TNKS: variants seen among roughly 807,000 people sequenced by gnomAD.
TNKS encodes poly [ADP-ribose] polymerase tankyrase-1.
Under a neutral mutation model 135.8 loss-of-function variants are expected in TNKS, and 72 were observed. The observed-to-expected ratio is 0.53, with a 90% CI of 0.44 to 0.64. TNKS has a LOEUF of 0.64. TNKS is among the 30% of genes least tolerant of loss of function. The probability of loss-of-function intolerance (pLI) is 0.00; values close to 1 mark genes in which losing one functional copy is unlikely to be tolerated. For missense variants in TNKS, 1,769 were observed against 1,674.0 expected, an observed-to-expected ratio of 1.06 and a Z score of -0.99; for synonymous variants, 849 against 649.3, an observed-to-expected ratio of 1.31 and a Z score of -4.68.
intron 11 of TNKS, among the ~76,000 whole-genome samples, chr8:9,713,670 A>G (rs371458579): frequency 1.3e-5 from 2 of 152,212 alleles, no homozygotes; most frequent in African/African-American, 4.8e-5. Context: ...ATATTTAATC[A>G]GAGTTATGAA....
At chr8:9,649,845 A>G (rs1257182981) in intron 3 of TNKS, among the ~76,000 whole-genome samples, 1 of 142,014 alleles carries the variant, frequency 7.0e-6, no homozygotes, top group Non-Finnish European at 1.5e-5. Context: ...CATGGTGTAT[A>G]TATATACCAC....
intron 5 of TNKS, among the ~76,000 whole-genome samples, chr8:9,686,712 C>G (rs914382835): frequency 1.3e-5 from 2 of 152,054 alleles, no homozygotes; most frequent in African/African-American, 4.8e-5. Context: ...CCTTGAAATG[C>G]AAAAACATAA....
chr8:9,571,664 A>G (rs1413315316), intron 1 of TNKS, among the ~76,000 whole-genome samples: 1 of 152,024 alleles, frequency 6.6e-6, no homozygotes, highest in Admixed American at 6.6e-5. Context: ...TCACCGTGTT[A>G]GCTGGGATGT....
chr8:9,779,062 AT>A lies in TNKS; in HGVS notation c.*2329del, dbSNP rs565003359. On this transcript the variant is annotated 3_prime_UTR_variant, in exon 27 of 27. Transcript: ENST00000310430. Reference sequence around the variant, plus strand: ...GGTGAAGGTACTGTGTAAGGAAGACATTTGCGGTGCTTCTTGTCCTATAATG... The same window carrying A: ...GGTGAAGGTACTGTGTAAGGAAGACATTGCGGTGCTTCTTGTCCTATAATG... 2 of 152,468 alleles carry A rather than the reference AT, an allele frequency of 1.3e-5. No individual in the cohort carries two copies. Among genetic ancestry groups the A allele is most frequent in the Non-Finnish European group, 2.9e-5 (2 of 68,054 alleles). The allele number at this position is 152,468 out of a possible 1,614,324, so 9.4% of individuals were successfully genotyped here. A position where few individuals can be genotyped will look rare whatever the true frequency, so the allele number is the denominator to read the frequency against.
intron 1 of TNKS, among the ~76,000 whole-genome samples, chr8:9,569,284 C>T (rs962177968): frequency 6.6e-6 from 1 of 152,224 alleles, no homozygotes; most frequent in Admixed American, 6.5e-5. Context: ...ATAGCACACA[C>T]ACATCATAAG....
chr8:9,572,979 A>G (rs919603592), intron 1 of TNKS, among the ~76,000 whole-genome samples: 7 of 152,002 alleles, frequency 4.6e-5, no homozygotes, highest in African/African-American at 7.2e-5. Context: ...TTTATTTTGG[A>G]TGAAAGTGGA....
At chr8:9,640,346 T>A (rs111765700) in intron 3 of TNKS, among the ~76,000 whole-genome samples, 1 of 141,710 alleles carries the variant, frequency 7.1e-6, no homozygotes, top group Non-Finnish European at 1.5e-5. Flanking sequence ...GGAGCCCTCA[T>A]GACCTAATCA....
intron 19 of TNKS, 80 bp downstream of exon 19, chr8:9,751,926 T>A: frequency 7.9e-7 from 1 of 1,263,132 alleles, no homozygotes; most frequent in Non-Finnish European, 1.1e-6. Context: ...TGATAACTAT[T>A]GAATGCCTCA....
At chr8:9,747,925 T>C in intron 17 of TNKS, 99 bp from the exon 18 acceptor site, 1 of 1,144,278 alleles carries the variant, frequency 8.7e-7, no homozygotes, top group Non-Finnish European at 1.2e-6. Context: ...AAAATGGAGA[T>C]ACAGAGGAGT....
chr8:9,611,398 C>T (rs1799458037), intron 2 of TNKS, among the ~76,000 whole-genome samples: 1 of 152,136 alleles, frequency 6.6e-6, no homozygotes, highest in Non-Finnish European at 1.5e-5. Flanking sequence ...AACTTTGCTT[C>T]AGGTATTTGT....
chr8:9,698,254 G>A (rs114170920), intron 5 of TNKS, among the ~76,000 whole-genome samples: 134 of 151,872 alleles, frequency 8.8e-4, no homozygotes, highest in African/African-American at 3.1e-3. Context: ...CTACTAGAGC[G>A]GGCAGCACAG....
chr8:9,583,944 C>G (rs1798268606), intron 2 of TNKS, among the ~76,000 whole-genome samples: 1 of 151,524 alleles, frequency 6.6e-6, no homozygotes, highest in East Asian at 2.0e-4. Flanking sequence ...ATGGGTGGAT[C>G]ACGAGGTCAG....
At chr8:9,731,528 C>T (rs1203553087) in intron 14 of TNKS, among the ~76,000 whole-genome samples, 6 of 151,268 alleles carry the variant, frequency 4.0e-5, no homozygotes, top group South Asian at 4.2e-4. Flanking sequence ...CCTGTCAGCC[C>T]ACCTCCTGCT....
chr8:9,720,573 T>C, intron 12 of TNKS, 28 bp downstream of exon 12: 1 of 1,584,606 alleles, frequency 6.3e-7, no homozygotes, highest in Non-Finnish European at 8.6e-7. Context: ...AACAGGGCAT[T>C]TTATGTTTTC....
In TNKS at chr8:9,780,396, G is replaced by A. The variant is rs937555197; in HGVS notation, c.*3660G>A. On this transcript the variant is annotated 3_prime_UTR_variant, in exon 27 of 27. Transcript: ENST00000310430. ...GCTATAGACCTTACTAATTTGGCAG[G>A]TATTCAAAACTGCCATTAAGATAGG... 6 of 152,130 alleles carry A rather than the reference G, an allele frequency of 3.9e-5. No homozygotes were observed. Among genetic ancestry groups the A allele is most frequent in the Non-Finnish European group, 2.9e-5 (2 of 68,036 alleles). 9.4% of individuals were successfully genotyped at this position (152,130 alleles called of 1,614,324 possible). A position where few individuals can be genotyped will look rare whatever the true frequency, so the allele number is the denominator to read the frequency against.
intron 3 of TNKS, among the ~76,000 whole-genome samples, chr8:9,644,163 G>T (rs1257084819): frequency 6.6e-6 from 1 of 152,162 alleles, no homozygotes; most frequent in Non-Finnish European, 1.5e-5. Flanking sequence ...TTTCAGCCTT[G>T]TCAGTTGAAG....
intron 26 of TNKS, 102 bp from the exon 27 acceptor site, chr8:9,776,548 A>C (rs1390350804): frequency 9.7e-7 from 1 of 1,026,436 alleles, no homozygotes; most frequent in South Asian, 1.4e-5. Context: ...TCTATATAGA[A>C]TATTGGTCAC....
At chr8:9,657,594 G>T (rs1389255152) in intron 3 of TNKS, among the ~76,000 whole-genome samples, 5 of 86,570 alleles carry the variant, frequency 5.8e-5, no homozygotes, top group African/African-American at 1.8e-4. Context: ...GGCTGGCCGG[G>T]CGGAGGGCTG....
At chr8:9,652,973 C>G (rs1801200241) in intron 3 of TNKS, among the ~76,000 whole-genome samples, 1 of 152,148 alleles carries the variant, frequency 6.6e-6, no homozygotes, top group Admixed American at 6.5e-5. Context: ...AGGTTATCCT[C>G]CTTGTTAGAA....
Sources: gnomAD v4.1 joint callset for allele counts (sites outside exome capture counted in the v4.1 genomes callset) on GRCh38, gnomAD v4.1.1 for gene constraint, MANE v1.5 for transcripts, NCBI Gene and HGNC (gene_info 2026-07-23, HGNC 2026-07-21) for gene names.